The following SNTG1 variants were observed in gnomAD, a reference collection of about 807,000 sequenced individuals.
SNTG1 encodes gamma-1-syntrophin.
In SNTG1, 39 loss-of-function variants were observed where a neutral mutation model predicts 74.7. The observed-to-expected ratio is 0.52, with a 90% CI of 0.40 to 0.68. The LOEUF (loss-of-function observed/expected upper bound fraction) is 0.68. SNTG1 is among the 30% of genes least tolerant of loss of function. The pLI is 0.00. For missense variants in SNTG1, 685 were observed against 609.5 expected (o/e 1.12, Z -1.30); for synonymous variants, 254 against 217.1 (o/e 1.17, Z -1.49).
In SNTG1 at chr8:50,782,783, G is replaced by A. The variant is rs182185923; in HGVS notation, c.1396-9888G>A. 2.6e-3 allele frequency among the ~76,000 whole-genome samples: 400 copies of A among 152,210 alleles called. 3 individuals carry two copies. Among genetic ancestry groups the A allele is most frequent in the African/African-American group, 8.5e-3 (351 of 41,524 alleles). ...TCCTTTGGAGGAAGAGAGGTGCTCC[G>A]GTTTTTAGAGTTTCTAGTTTTTCTC... On this transcript the variant is annotated intron_variant, in intron 18 of 18. Coordinates refer to ENST00000642720, the MANE Select transcript of SNTG1 (RefSeq NM_018967.5).
At chr8:50,485,514 GTTGT>G (rs1276504254) in intron 8 of SNTG1, among the ~76,000 whole-genome samples, 4 of 151,818 alleles carry the variant, frequency 2.6e-5, no homozygotes, top group South Asian at 2.1e-4. Flanking sequence ...TTTTGATGGG[GTTGT>G]TTGTTTTTTT....
At chr8:50,502,099 G>T (rs1170946258) in intron 8 of SNTG1, among the ~76,000 whole-genome samples, 2 of 151,790 alleles carry the variant, frequency 1.3e-5, no homozygotes, top group African/African-American at 4.8e-5. Context: ...TACTAATTCT[G>T]TATTTTAAAA....
chr8:50,234,229 T>G (rs769366858), intron 2 of SNTG1, among the ~76,000 whole-genome samples: 28 of 151,944 alleles, frequency 1.8e-4, no homozygotes, highest in Non-Finnish European at 3.4e-4. Flanking sequence ...TAAAAAGGAA[T>G]GAACTAATGA....
chr8:50,066,996 T>C (rs895220310), intron 1 of SNTG1, among the ~76,000 whole-genome samples: 1 of 152,222 alleles, frequency 6.6e-6, no homozygotes. Context: ...TGAATATCAT[T>C]AACCATCACT....
At position 50,771,000 on chromosome 8, in the gene SNTG1, G is replaced by T. The variant is rs143612409; in HGVS notation, c.1395+18889G>T. On this transcript the variant is annotated intron_variant, in intron 18 of 18. Coordinates refer to ENST00000642720, the MANE Select transcript of SNTG1 (RefSeq NM_018967.5). The stretch of plus-strand genomic sequence containing the variant: ...AGCCAAATAAACTGCTTTTTTAAAA[G>T]ATAAATTATCCAGTCTCAAGTATGC... Among the ~76,000 whole-genome samples, 564 of 152,158 alleles carry T rather than the reference G, an allele frequency of 3.7e-3. 4 individuals carry two copies. The highest frequency in any genetic ancestry group is 0.013 in the African/African-American group (522 of 41,538).
At chr8:50,303,250 T>C (rs549889726) in intron 2 of SNTG1, among the ~76,000 whole-genome samples, 1 of 152,226 alleles carries the variant, frequency 6.6e-6, no homozygotes, top group African/African-American at 2.4e-5. Context: ...AGTTCTTGTT[T>C]ATAAAAGTGA....
intron 1 of SNTG1, among the ~76,000 whole-genome samples, chr8:49,957,785 G>T (rs1206768115): frequency 6.6e-6 from 1 of 152,038 alleles, no homozygotes. Context: ...ACAACATGGG[G>T]AGACCCTATC....
chr8:50,453,048 T>C (rs1034167099), intron 8 of SNTG1, among the ~76,000 whole-genome samples: 1 of 152,200 alleles, frequency 6.6e-6, no homozygotes, highest in Non-Finnish European at 1.5e-5. Context: ...AAGCATGTTG[T>C]TTGTGCATGT....
At chr8:50,053,388 C>T (rs968087541) in intron 1 of SNTG1, among the ~76,000 whole-genome samples, 1 of 151,762 alleles carries the variant, frequency 6.6e-6, no homozygotes, top group East Asian at 1.9e-4. Flanking sequence ...AATAAGCTAA[C>T]CCATAGAAAT....
intron 13 of SNTG1, among the ~76,000 whole-genome samples, chr8:50,604,671 G>T (rs1290574151): frequency 6.6e-6 from 1 of 152,038 alleles, no homozygotes; most frequent in African/African-American, 2.4e-5. Context: ...TACAGGACAG[G>T]TTCAGAAATG....
chr8:50,269,781 T>A (rs575154130), intron 2 of SNTG1, among the ~76,000 whole-genome samples: 12 of 152,084 alleles, frequency 7.9e-5, no homozygotes, highest in African/African-American at 2.9e-4. Context: ...TTCTGTAAGG[T>A]AGTCAGAAAA....
At chr8:50,631,372 T>A (rs1382546464) in intron 13 of SNTG1, among the ~76,000 whole-genome samples, 1 of 152,228 alleles carries the variant, frequency 6.6e-6, no homozygotes, top group Non-Finnish European at 1.5e-5. Flanking sequence ...AGGCACCAAT[T>A]GTTATCCTGA....
At chr8:50,545,546 T>C (rs2094381231) in intron 11 of SNTG1, among the ~76,000 whole-genome samples, 1 of 150,418 alleles carries the variant, frequency 6.6e-6, no homozygotes, top group Admixed American at 6.6e-5. Flanking sequence ...GTACTCTCAG[T>C]GTTTAGCATA....
chr8:50,312,682 C>T (rs1038133707), intron 2 of SNTG1, among the ~76,000 whole-genome samples: 1 of 149,874 alleles, frequency 6.7e-6, no homozygotes. Context: ...CATTACTAAA[C>T]TTCCACATGG....
intron 2 of SNTG1, among the ~76,000 whole-genome samples, chr8:50,331,892 A>C (rs1419287514): frequency 6.6e-6 from 1 of 152,246 alleles, no homozygotes; most frequent in Non-Finnish European, 1.5e-5. Context: ...AAAAGTGTTC[A>C]TTTAAAATAT....
chr8:50,194,713 G>A (rs759214273), intron 2 of SNTG1, among the ~76,000 whole-genome samples: 99 of 151,782 alleles, frequency 6.5e-4, no homozygotes, highest in Non-Finnish European at 4.1e-4. Context: ...GCTGGGTTTG[G>A]GTTTGGATTA....
chr8:50,181,313 T>C (rs2083197728), intron 2 of SNTG1, among the ~76,000 whole-genome samples: 1 of 152,242 alleles, frequency 6.6e-6, no homozygotes, highest in Non-Finnish European at 1.5e-5. Context: ...TTGGACTTGA[T>C]CTTTGTTTTT....
chr8:50,474,915 A>T (rs942829137), intron 8 of SNTG1, among the ~76,000 whole-genome samples: 2 of 152,092 alleles, frequency 1.3e-5, no homozygotes, highest in Admixed American at 6.6e-5. Context: ...TGATGAGTCC[A>T]TGTCCTTTGT....
chr8:50,734,527 A>T (rs939140258), intron 17 of SNTG1, among the ~76,000 whole-genome samples: 2 of 150,934 alleles, frequency 1.3e-5, no homozygotes, highest in Admixed American at 6.6e-5. Context: ...ATGTATTTTT[A>T]AAATATAAAA....
Sources: gnomAD v4.1 joint callset for allele counts (sites outside exome capture counted in the v4.1 genomes callset) on GRCh38, gnomAD v4.1.1 for gene constraint, MANE v1.5 for transcripts, NCBI Gene and HGNC (gene_info 2026-07-23, HGNC 2026-07-21) for gene names.